The following CCSER1 variants were observed in gnomAD, a reference collection of about 807,000 sequenced individuals.
CCSER1 encodes serine-rich coiled-coil domain-containing protein 1.
A neutral mutation model predicts 82.0 loss-of-function variants in CCSER1; 41 were observed. The ratio of observed to expected loss-of-function variants is 0.50; its 90% CI spans 0.39 to 0.65. CCSER1 has a LOEUF of 0.65. Among genes scored for constraint, CCSER1 ranks in the 30% least tolerant of loss-of-function variants. CCSER1 has a pLI of 0.00. For synonymous variants in CCSER1, 414 were observed against 383.9 expected, an observed-to-expected ratio of 1.08 and a Z score of -0.92; for missense variants, 1,119 against 1,064.2, an observed-to-expected ratio of 1.05 and a Z score of -0.72.
At chr4:90,302,265 A>G (rs1474518268) in intron 1 of CCSER1, among the ~76,000 whole-genome samples, 2 of 152,202 alleles carry the variant, frequency 1.3e-5, no homozygotes, top group Admixed American at 6.5e-5. Context: ...TAGTAAATTG[A>G]GATAAATATA....
At chr4:90,879,834 T>G (rs977161275) in intron 8 of CCSER1, among the ~76,000 whole-genome samples, 1 of 152,194 alleles carries the variant, frequency 6.6e-6, no homozygotes, top group African/African-American at 2.4e-5. Context: ...GGTGTTCCTT[T>G]AACTGCAATA....
intron 6 of CCSER1, among the ~76,000 whole-genome samples, chr4:90,645,307 T>A (rs1727359359): frequency 6.6e-6 from 1 of 152,196 alleles, no homozygotes; most frequent in South Asian, 2.1e-4. Context: ...TTAAGAAATA[T>A]TCAAAAATGT....
chr4:90,415,028 T>G (rs1270423009), intron 4 of CCSER1, among the ~76,000 whole-genome samples: 1 of 152,144 alleles, frequency 6.6e-6, no homozygotes, highest in Admixed American at 6.5e-5. Flanking sequence ...ATGGATAAGG[T>G]TAAGGCACAA....
chr4:90,171,651 A>G (rs1317403368), intron 1 of CCSER1, among the ~76,000 whole-genome samples: 3 of 151,938 alleles, frequency 2.0e-5, no homozygotes, highest in Non-Finnish European at 2.9e-5. Flanking sequence ...GGGGATTAGT[A>G]TATTGTAAGG....
intron 10 of CCSER1, among the ~76,000 whole-genome samples, chr4:91,187,557 T>C (rs13144354): frequency 1.4e-5 from 2 of 146,402 alleles, no homozygotes. Flanking sequence ...TTTTTTTTAA[T>C]TTTTTATTTT....
At chr4:90,578,848 T>C (rs1781076779) in intron 5 of CCSER1, among the ~76,000 whole-genome samples, 1 of 152,180 alleles carries the variant, frequency 6.6e-6, no homozygotes. Flanking sequence ...ATTAATTTTA[T>C]AGATTGTATC....
At chr4:90,879,030 A>G (rs1157039058) in intron 8 of CCSER1, among the ~76,000 whole-genome samples, 1 of 152,116 alleles carries the variant, frequency 6.6e-6, no homozygotes, top group East Asian at 1.9e-4. Context: ...CCTCAATGGC[A>G]TTACCTCCAG....
chr4:91,283,709 C>T (rs1743080844), intron 10 of CCSER1, among the ~76,000 whole-genome samples: 1 of 152,008 alleles, frequency 6.6e-6, no homozygotes, highest in African/African-American at 2.4e-5. Context: ...TCTTAAGCCA[C>T]CTTTATTTAT....
At chr4:91,033,711 T>C (rs1253169055) in intron 9 of CCSER1, among the ~76,000 whole-genome samples, 1 of 152,150 alleles carries the variant, frequency 6.6e-6, no homozygotes, top group Non-Finnish European at 1.5e-5. Flanking sequence ...TCTGTTGTAA[T>C]AGCTTACTTA....
intron 10 of CCSER1, among the ~76,000 whole-genome samples, chr4:91,138,719 T>C (rs1330071003): frequency 7.5e-6 from 1 of 133,304 alleles, no homozygotes; most frequent in Non-Finnish European, 1.6e-5. Context: ...GAATCTACAA[T>C]GAACTCAAAC....
At chr4:91,326,587 A>G (rs1184855745) in intron 10 of CCSER1, among the ~76,000 whole-genome samples, 1 of 152,028 alleles carries the variant, frequency 6.6e-6, no homozygotes, top group Non-Finnish European at 1.5e-5. Flanking sequence ...CCCAAATTCC[A>G]TGTCCTTCTC....
At chr4:90,815,909 CTTAT>C in intron 8 of CCSER1, 64 bp downstream of exon 8, 5 of 1,049,478 alleles carry the variant, frequency 4.8e-6, no homozygotes, top group South Asian at 1.5e-5. Flanking sequence ...GTTCCACGCC[CTTAT>C]TTATTAACAC....
At chr4:90,888,699 T>A (rs889931896) in intron 8 of CCSER1, among the ~76,000 whole-genome samples, 1 of 152,100 alleles carries the variant, frequency 6.6e-6, no homozygotes, top group Non-Finnish European at 1.5e-5. Context: ...CCTTTGAAAG[T>A]GGGCCTAGAG....
chr4:90,825,210 T>A (rs1760257515), intron 8 of CCSER1, among the ~76,000 whole-genome samples: 1 of 152,234 alleles, frequency 6.6e-6, no homozygotes. Flanking sequence ...GAAGGTGTTT[T>A]ACCTTTAAGG....
intron 1 of CCSER1, among the ~76,000 whole-genome samples, chr4:90,191,999 A>G (rs1183335924): frequency 2.6e-5 from 4 of 152,220 alleles, no homozygotes; most frequent in African/African-American, 7.2e-5. Flanking sequence ...ACTAATTACA[A>G]AGGCATAAAA....
At chr4:90,488,371 A>G (rs1767455490) in intron 5 of CCSER1, among the ~76,000 whole-genome samples, 1 of 152,094 alleles carries the variant, frequency 6.6e-6, no homozygotes, top group African/African-American at 2.4e-5. Context: ...TATTTTTAGT[A>G]GAGATGGGGT....
intron 3 of CCSER1, among the ~76,000 whole-genome samples, chr4:90,345,028 A>C (rs958876499): frequency 2.0e-5 from 3 of 152,114 alleles, no homozygotes; most frequent in Admixed American, 2.0e-4. Flanking sequence ...TCTGCTTAGA[A>C]AAAGGGAAAG....
At chr4:90,600,848 C>A (rs1293954264) in intron 5 of CCSER1, among the ~76,000 whole-genome samples, 4 of 151,902 alleles carry the variant, frequency 2.6e-5, no homozygotes, top group Non-Finnish European at 5.9e-5. Flanking sequence ...TGTCCATGAA[C>A]ATAATATATC....
intron 6 of CCSER1, among the ~76,000 whole-genome samples, chr4:90,641,676 A>G (rs966698369): frequency 2.0e-5 from 3 of 152,260 alleles, no homozygotes; most frequent in East Asian, 3.9e-4. Flanking sequence ...TATGATGTCA[A>G]AATGCAAGTG....
Sources: allele counts gnomAD v4.1 joint callset (sites outside exome capture counted in the v4.1 genomes callset), GRCh38; gene constraint gnomAD v4.1.1; transcripts MANE v1.5; gene names NCBI Gene and HGNC (gene_info 2026-07-23, HGNC 2026-07-21).